The following GET4 variants were observed in gnomAD, a reference collection of about 807,000 sequenced individuals.
GET4 encodes the protein Golgi to ER traffic protein 4 homolog.
GET4 carries 20 observed loss-of-function variants against 40.0 expected under a neutral mutation model. That is an observed-to-expected ratio of 0.50 (90% CI 0.35 to 0.73). The LOEUF (loss-of-function observed/expected upper bound fraction) is 0.73, where lower values mean the gene tolerates loss of function less well. Ranked by LOEUF, GET4 falls within the 30% of genes least tolerant of loss-of-function variation. The pLI is 0.01. For missense variants in GET4, 557 were observed against 454.0 expected (o/e 1.23, Z -2.06); for synonymous variants, 280 against 194.6 (o/e 1.44, Z -3.65).
intron 6 of GET4, 110 bp from the exon 7 acceptor site, chr7:893,630 G>A (rs1198942898): frequency 1.9e-4 from 121 of 651,838 alleles, no homozygotes; most frequent in Middle Eastern, 3.9e-4. Context: ...TGTTGGGCGC[G>A]GGCGTGGTGG....
intron 5 of GET4, 116 bp downstream of exon 5, chr7:891,182 TCTGGGCAGA>T: frequency 1.3e-6 from 1 of 763,078 alleles, no homozygotes; most frequent in Non-Finnish European, 2.1e-6. Context: ...CTGAGTTCAC[TCTGGGCAGA>T]GCCCACAGTG....
In GET4 at chr7:886,148, C is replaced by A. The variant is rs778348981; in HGVS notation, c.234+14C>A. ...AGCCATGGCCAGGTAAGCCGTCTTG[C>A]TTCCTCCTGCATCCCTTTCTGCTCC... On this transcript the variant is annotated intron_variant, in intron 2 of 8. Coordinates refer to ENST00000265857, the MANE Select transcript of GET4 (RefSeq NM_015949.3). 6.5e-7 allele frequency: 1 copy of A among 1,545,988 alleles called. No homozygotes were observed. Among genetic ancestry groups the A allele is most frequent in the Non-Finnish European group, 8.9e-7 (1 of 1,118,710 alleles).
chr7:895,291 G>A, intron 8 of GET4, 43 bp from the exon 9 acceptor site: 3 of 973,854 alleles, frequency 3.1e-6, no homozygotes, highest in Non-Finnish European at 4.9e-6. Flanking sequence ...GGGGCCTGTG[G>A]GAGGCTGCCC....
chr7:885,848 T>C, intron 1 of GET4: 3 of 579,524 alleles, frequency 5.2e-6, no homozygotes, highest in East Asian at 2.8e-5. Context: ...AGGCCCTTAG[T>C]GTCCAGAGGC....
At chr7:887,938 T>TCCCAGAGCA (rs1394551102) in intron 4 of GET4, among the ~76,000 whole-genome samples, 75 of 152,246 alleles carry the variant, frequency 4.9e-4, no homozygotes, top group Non-Finnish European at 7.9e-4. Context: ...TCTGGCTGTC[T>TCCCAGAGCA]GCGTGGTGTG....
At chr7:880,506 G>A (rs995942496) in intron 1 of GET4, 6 of 152,244 alleles carry the variant, frequency 3.9e-5, no homozygotes, top group African/African-American at 1.2e-4. Flanking sequence ...ACAGTGAAAC[G>A]GGGGGTGATG....
rs1212377697 is a variant in GET4, at chr7:883,431, G to A, written c.156-2625G>A. On this transcript the variant is annotated intron_variant, in intron 1 of 8. Coordinates refer to ENST00000265857, the MANE Select transcript of GET4 (RefSeq NM_015949.3). The stretch of plus-strand genomic sequence containing the variant: ...TTCTTCATTTGACACCGACAGTCTC[G>A]GCCACTAGTTCTAATGCTTGCGTTT... 2.5e-5 allele frequency: 20 copies of A among 795,248 alleles called. 1 individual carries two copies. The highest frequency in any genetic ancestry group is 5.7e-5 in the South Asian group (1 of 17,506). The allele number at this position is 795,248 out of a possible 1,614,324, so 49.3% of individuals were successfully genotyped here. A position where few individuals can be genotyped will look rare whatever the true frequency, so the allele number is the denominator to read the frequency against.
At chr7:894,540 C>A (rs1447269933) in intron 8 of GET4, among the ~76,000 whole-genome samples, 1 of 152,164 alleles carries the variant, frequency 6.6e-6, no homozygotes, top group African/African-American at 2.4e-5. Context: ...AGGCCCTGTC[C>A]TCCCCGGATG....
At chr7:877,381 T>C (rs1371694182) in intron 1 of GET4, among the ~76,000 whole-genome samples, 2 of 97,206 alleles carry the variant, frequency 2.1e-5, no homozygotes, top group African/African-American at 8.4e-5. Flanking sequence ...GTCTCTTTCT[T>C]CCAGCCTCCC....
intron 6 of GET4, among the ~76,000 whole-genome samples, chr7:893,123 T>G (rs1327100342): frequency 9.5e-6 from 1 of 105,038 alleles, no homozygotes; most frequent in Admixed American, 1.1e-4. Context: ...AAGTGTTGGG[T>G]GTAGGCGTGG....
chr7:895,371 G>A lies in GET4; in HGVS notation c.933G>A (p.Gln311=). ...LLTSLMGSSE[Q]EDGEESPSDG... ...CCAGCCTCATGGGCTCCTCAGAGCA[G>A]GAGGATGGGGAGGAGAGCCCCAGCG... The change falls in exon 9 of 9, where the codon CAG becomes CAA. Residue 311 remains glutamine (Q), a synonymous_variant. Coordinates refer to ENST00000265857, the MANE Select transcript of GET4 (RefSeq NM_015949.3). The A allele has an allele frequency of 6.2e-7, 1 of 1,600,032 alleles. No homozygotes were observed. The highest frequency in any genetic ancestry group is 8.6e-7 in the Non-Finnish European group (1 of 1,168,706).
chr7:893,756 T>C lies in GET4; in HGVS notation c.763T>C (p.Phe255Leu). 1 of 1,608,154 alleles carries C rather than the reference T, an allele frequency of 6.2e-7. No homozygotes were observed. The highest frequency in any genetic ancestry group is 8.5e-7 in the Non-Finnish European group (1 of 1,175,952). ...CTGTCCCAGTGGGAAGCTGACGGTG[T>C]TCACTGTGCTGTGTGAGCAGTACCA... ...LAVDGGKLTV[F>L]TVLCEQYQPS... The change falls in exon 7 of 9, where the codon TTC becomes CTC. Residue 255 changes from phenylalanine (F) to leucine (L), a missense_variant. By Grantham distance (22) the Phe-to-Leu change is conservative. Coordinates refer to ENST00000265857, the MANE Select transcript of GET4 (RefSeq NM_015949.3).
At position 890,959 on chromosome 7, in the gene GET4, T is replaced by A; in HGVS notation, c.498T>A (p.Phe166Leu). Residue 166 changes from phenylalanine (F) to leucine (L), a missense_variant, in exon 5 of 9, where the codon TTT (phenylalanine) becomes TTA (leucine). By Grantham distance (22) the Phe-to-Leu change is conservative (BLOSUM62 0). Coordinates refer to ENST00000265857, the MANE Select transcript of GET4 (RefSeq NM_015949.3). ...EQNYCESRYH[F>L]LHSADGEGCA... Reference sequence around the variant, plus strand: ...ACTATTGTGAGTCGAGGTATCATTTTCTGCACTCAGCGGACGGGGAGGGCT... The same window carrying A: ...ACTATTGTGAGTCGAGGTATCATTTACTGCACTCAGCGGACGGGGAGGGCT... 1 of 1,609,116 alleles carries A rather than the reference T, an allele frequency of 6.2e-7. No individual in the cohort carries two copies. The highest frequency in any genetic ancestry group is 8.5e-7 in the Non-Finnish European group (1 of 1,175,642).
intron 4 of GET4, among the ~76,000 whole-genome samples, chr7:890,499 G>GT (rs1355627465): frequency 6.6e-6 from 1 of 152,036 alleles, no homozygotes; most frequent in African/African-American, 2.4e-5. Context: ...AGGGTTGGTT[G>GT]TTGGGTCAGT....
At chr7:894,821 A>G (rs1844437245) in intron 8 of GET4, among the ~76,000 whole-genome samples, 1 of 152,216 alleles carries the variant, frequency 6.6e-6, no homozygotes, top group Non-Finnish European at 1.5e-5. Context: ...TTGGCTTTGT[A>G]CGTACAGAGT....
intron 1 of GET4, chr7:883,639 C>T: frequency 1.0e-6 from 1 of 985,488 alleles, no homozygotes; most frequent in African/African-American, 1.7e-5. Context: ...TCTGGGTGTC[C>T]ACATGGCACG....
At chr7:892,023 G>A (rs2272378) in intron 5 of GET4, among the ~76,000 whole-genome samples, 17,152 of 152,292 alleles carry the variant, frequency 0.11, 2,586 homozygotes, top group East Asian at 0.33. Flanking sequence ...ACGTAGTCAG[G>A]GCTCAGGCTG....
chr7:883,922 TCTC>T, intron 1 of GET4: 8 of 1,055,348 alleles, frequency 7.6e-6, no homozygotes, highest in South Asian at 2.8e-5. Context: ...TGCCCAGAAT[TCTC>T]CTCCCGTCCT....
intron 1 of GET4, chr7:884,378 C>T (rs1307244805): frequency 3.8e-6 from 5 of 1,299,226 alleles, no homozygotes; most frequent in Middle Eastern, 2.1e-4. Context: ...TGTCGAGGCT[C>T]CTGCTGTGGT....
Sources: gnomAD v4.1 joint callset for allele counts (sites outside exome capture counted in the v4.1 genomes callset) on GRCh38, gnomAD v4.1.1 for gene constraint, MANE v1.5 for transcripts, NCBI Gene and HGNC (gene_info 2026-07-23, HGNC 2026-07-21) for gene names.